Variants in NRP1 observed in about 807,000 individuals in gnomAD.
NRP1 encodes the protein neuropilin 1, also known as neuropilin-1.
In NRP1, 35 loss-of-function variants were observed where a neutral mutation model predicts 106.7. The ratio of observed to expected loss-of-function variants is 0.33; its 90% CI spans 0.25 to 0.43. The LOEUF (loss-of-function observed/expected upper bound fraction) is 0.43. NRP1 is among the 20% of genes least tolerant of loss of function. NRP1 has a pLI of 1.00. For synonymous variants in NRP1, 437 were observed against 417.9 expected (o/e 1.05, Z -0.56); for missense variants, 1,024 against 1,170.4 (o/e 0.87, Z 1.83).
chr10:33,196,163 A>C (rs974136042), intron 12 of NRP1, among the ~76,000 whole-genome samples: 14 of 152,030 alleles, frequency 9.2e-5, no homozygotes, highest in African/African-American at 3.4e-4. Context: ...GCTGTTGTTC[A>C]CTTTTATTTT....
intron 2 of NRP1, among the ~76,000 whole-genome samples, chr10:33,325,373 T>A (rs1847814877): frequency 6.6e-6 from 1 of 152,158 alleles, no homozygotes; most frequent in Non-Finnish European, 1.5e-5. Context: ...AGTATTTTAA[T>A]GTAACATTTT....
intron 2 of NRP1, among the ~76,000 whole-genome samples, chr10:33,316,773 G>A (rs577146201): frequency 1.0e-3 from 153 of 152,300 alleles, no homozygotes; most frequent in African/African-American, 3.5e-3. Context: ...GAGAAATCAG[G>A]GCCAAGAAAT....
Position 33,275,393 on chromosome 10 carries a change from C to T in NRP1, c.249-4537G>A, listed in dbSNP as rs1042457430. On this transcript the variant is annotated intron_variant, in intron 2 of 16. Coordinates refer to ENST00000374867, the MANE Select transcript of NRP1 (RefSeq NM_003873.7). Reference sequence around the variant, plus strand: ...ACCATCCTGGCTAACATGGTAAAACCCCGTCTCTACTAAAAATACAAAAAA... The same window carrying T: ...ACCATCCTGGCTAACATGGTAAAACTCCGTCTCTACTAAAAATACAAAAAA... 1.8e-4 allele frequency among the ~76,000 whole-genome samples: 27 copies of T among 152,114 alleles called. 1 individual carries two copies. The highest frequency in any genetic ancestry group is 1.7e-3 in the Admixed American group (26 of 15,284).
intron 10 of NRP1, among the ~76,000 whole-genome samples, chr10:33,204,569 T>C (rs1420590025): frequency 2.0e-5 from 3 of 152,242 alleles, no homozygotes; most frequent in Non-Finnish European, 4.4e-5. Context: ...TGCTGATTTT[T>C]CTGCATTCAT....
At chr10:33,216,146 T>TC (rs1230147538) in intron 8 of NRP1, among the ~76,000 whole-genome samples, 1 of 151,018 alleles carries the variant, frequency 6.6e-6, no homozygotes, top group African/African-American at 2.4e-5. Context: ...CTTTCTTTTT[T>TC]TTTTTTTTTG....
chr10:33,212,425 A>G (rs960907334), intron 9 of NRP1: 1 of 152,220 alleles, frequency 6.6e-6, no homozygotes, highest in African/African-American at 2.4e-5. Flanking sequence ...TAAGCCAATC[A>G]CAAAAAGACA....
At chr10:33,242,819 G>A (rs1231519270) in intron 6 of NRP1, among the ~76,000 whole-genome samples, 3 of 152,170 alleles carry the variant, frequency 2.0e-5, no homozygotes, top group African/African-American at 4.8e-5. Context: ...AACACACCAA[G>A]GCTAGACAGA....
chr10:33,264,256 G>A (rs567106990), intron 3 of NRP1, among the ~76,000 whole-genome samples: 6 of 152,320 alleles, frequency 3.9e-5, no homozygotes, highest in African/African-American at 1.4e-4. Context: ...GCCCTTTATT[G>A]GTGAAATAGA....
At chr10:33,259,129 G>A (rs1588866436) in intron 4 of NRP1, among the ~76,000 whole-genome samples, 1 of 152,270 alleles carries the variant, frequency 6.6e-6, no homozygotes, top group South Asian at 2.1e-4. Context: ...ATTCCTTTGG[G>A]GAGGGCGGAA....
At chr10:33,205,124 C>T (rs1237269855) in intron 10 of NRP1, among the ~76,000 whole-genome samples, 1 of 152,190 alleles carries the variant, frequency 6.6e-6, no homozygotes, top group East Asian at 1.9e-4. Context: ...CTCCTGCATT[C>T]CCTTAGGTGT....
chr10:33,263,538 C>G (rs75636330), intron 4 of NRP1, 108 bp downstream of exon 4: 4 of 743,690 alleles, frequency 5.4e-6, no homozygotes, highest in Middle Eastern at 2.4e-4. Context: ...TTTCCAGTGT[C>G]CTTTTGAGGT....
intron 4 of NRP1, among the ~76,000 whole-genome samples, chr10:33,259,378 A>G (rs1042791944): frequency 1.3e-5 from 2 of 152,186 alleles, no homozygotes; most frequent in East Asian, 3.9e-4. Flanking sequence ...TTCCTGAACA[A>G]CAGCGAGACC....
chr10:33,180,263 A>C lies in NRP1; in HGVS notation c.2585T>G (p.Ile862Arg). ...KTLDPILITI[I>R]AMSALGVLLG... ...GAGGACCCCCAGGGCACTCATGGCT[A>C]TGATGGTGATGAGGATGGGGTCTAA... The change falls in exon 17 of 17, where the codon ATA becomes AGA. Residue 862 changes from isoleucine to arginine, a missense_variant. By Grantham distance (97) the Ile-to-Arg change is moderately conservative (BLOSUM62 -3). Transcript: ENST00000374867. The C allele has an allele frequency of 6.2e-7, 1 of 1,614,106 alleles. No individual in the cohort carries two copies. The highest frequency in any genetic ancestry group is 8.5e-7 in the Non-Finnish European group (1 of 1,180,014).
At chr10:33,252,621 C>T (rs1466590756) in intron 6 of NRP1, among the ~76,000 whole-genome samples, 2 of 152,108 alleles carry the variant, frequency 1.3e-5, no homozygotes, top group Non-Finnish European at 2.9e-5. Flanking sequence ...ACCATGCAAA[C>T]ATGCTTAGTG....
rs550786238 is a variant in NRP1, at chr10:33,179,282, G to A, written c.*794C>T. 2 of 152,784 alleles carry A rather than the reference G, an allele frequency of 1.3e-5. No homozygotes were observed. The highest frequency in any genetic ancestry group is 4.1e-4 in the South Asian group (2 of 4,826). The allele number at this position is 152,784 out of a possible 1,614,324, so 9.5% of individuals were successfully genotyped here. On this transcript the variant is annotated 3_prime_UTR_variant, in exon 17 of 17. Coordinates refer to ENST00000374867, the MANE Select transcript of NRP1 (RefSeq NM_003873.7). ...AGGGCTTTCACCAGCAAGAAGCAGA[G>A]TGGGTCGTTAATGTAACACAATGAA...
chr10:33,307,319 A>G (rs982040403), intron 2 of NRP1, among the ~76,000 whole-genome samples: 11 of 152,192 alleles, frequency 7.2e-5, no homozygotes, highest in African/African-American at 2.4e-4. Context: ...TTGGAACACA[A>G]CCATGCTCAT....
At chr10:33,265,856 T>C (rs988372112) in intron 3 of NRP1, among the ~76,000 whole-genome samples, 2 of 152,214 alleles carry the variant, frequency 1.3e-5, no homozygotes, top group African/African-American at 4.8e-5. Context: ...TGGTTTATAA[T>C]CTTAGTTTCT....
At chr10:33,286,614 C>A (rs553863842) in intron 2 of NRP1, among the ~76,000 whole-genome samples, 5 of 152,150 alleles carry the variant, frequency 3.3e-5, no homozygotes, top group Non-Finnish European at 7.4e-5. Flanking sequence ...CCTGGATGAC[C>A]ATTTAACACA....
intron 2 of NRP1, among the ~76,000 whole-genome samples, chr10:33,328,582 G>A (rs1416622960): frequency 6.6e-6 from 1 of 152,176 alleles, no homozygotes; most frequent in Non-Finnish European, 1.5e-5. Context: ...TATATTAAGT[G>A]ATTCAACTGG....
Sources: allele counts gnomAD v4.1 joint callset (sites outside exome capture counted in the v4.1 genomes callset), GRCh38; gene constraint gnomAD v4.1.1; transcripts MANE v1.5; gene names NCBI Gene and HGNC (gene_info 2026-07-23, HGNC 2026-07-21).